The following UBP1 variants were observed in gnomAD, a reference collection of about 807,000 sequenced individuals.
The protein encoded by UBP1 is upstream binding protein 1.
Under a neutral mutation model 76.1 loss-of-function variants are expected in UBP1, and 22 were observed. The observed-to-expected ratio is 0.29, with a 90% CI of 0.21 to 0.41. The LOEUF (loss-of-function observed/expected upper bound fraction) is 0.41, where lower values mean the gene tolerates loss of function less well. UBP1 is among the 10% of genes least tolerant of loss of function. The pLI is 1.00. For missense variants in UBP1, 436 were observed against 668.1 expected, an observed-to-expected ratio of 0.65 and a Z score of 3.83; for synonymous variants, 224 against 237.1, an observed-to-expected ratio of 0.94 and a Z score of 0.51.
At chr3:33,411,558 T>G (rs1015409640) in intron 5 of UBP1, 23 bp downstream of exon 5, 7 of 1,603,436 alleles carry the variant, frequency 4.4e-6, no homozygotes, top group Non-Finnish European at 6.0e-6. Context: ...TTAGTAAGCT[T>G]CTAATAATGT....
chr3:33,440,804 T>C (rs983137237), upstream of UBP1: 1 of 152,246 alleles, frequency 6.6e-6, no homozygotes, highest in African/African-American at 2.4e-5. Flanking sequence ...TTCATTGGAC[T>C]GCATGGTAGA....
At chr3:33,422,886 C>G (rs548713610) in intron 2 of UBP1, among the ~76,000 whole-genome samples, 2 of 152,060 alleles carry the variant, frequency 1.3e-5, no homozygotes, top group Admixed American at 1.3e-4. Context: ...GGGTTTAAAA[C>G]TTTTTGTCAA....
At chr3:33,410,410 T>A (rs1238130015) in intron 5 of UBP1, among the ~76,000 whole-genome samples, 1 of 152,222 alleles carries the variant, frequency 6.6e-6, no homozygotes, top group Non-Finnish European at 1.5e-5. Flanking sequence ...ACATAACTAG[T>A]TGCCTTATAG....
In UBP1 at chr3:33,402,865, T is replaced by C; in HGVS notation, c.967A>G (p.Asn323Asp). ...AAAGTGGGCGCTGGGGAAGGGCTGT[T>C]ATTCACATAGGCTGTGGGGGCATCG... ...WPDAPTAYVN[N>D]SPSPAPTFTS... Residue 323 changes from asparagine to aspartate, a missense_variant, in exon 9 of 16, where the codon AAC becomes GAC. This residue lies in a region of UBP1 where 210 missense variants were observed against 272.8 expected (regional missense o/e 0.77). Coordinates refer to ENST00000283629, the MANE Select transcript of UBP1 (RefSeq NM_014517.5). 6.2e-7 allele frequency: 1 copy of C among 1,610,690 alleles called. No individual in the cohort carries two copies. Among genetic ancestry groups the C allele is most frequent in the African/African-American group, 1.3e-5 (1 of 74,948 alleles).
chr3:33,439,955 A>T lies in UBP1; in HGVS notation c.-107T>A. On this transcript the variant is annotated 5_prime_UTR_variant, in exon 1 of 16. Coordinates refer to ENST00000283629, the MANE Select transcript of UBP1 (RefSeq NM_014517.5). ...GGGAGGGCGCGGGTGAAGCCTCCGG[A>T]GGGGCGGCGAGTGGTCACCAGCGGC... 8.2e-7 allele frequency: 1 copy of T among 1,222,664 alleles called. No homozygotes were observed. The highest frequency in any genetic ancestry group is 1.4e-5 in the South Asian group (1 of 72,816). 75.7% of individuals were successfully genotyped at this position (1,222,664 alleles called of 1,614,324 possible). A position where few individuals can be genotyped will look rare whatever the true frequency, so the allele number is the denominator to read the frequency against.
Position 33,388,969 on chromosome 3 carries a change from G to T in UBP1, c.*1362C>A, listed in dbSNP as rs966733170. On this transcript the variant is annotated 3_prime_UTR_variant, in exon 16 of 16. Transcript: ENST00000283629. ...TTCAAATCAGGACACCTGGGTATAT[G>T]GACAAAGATATCCTACAATTAAAAT... 2 of 151,958 alleles carry T rather than the reference G, an allele frequency of 1.3e-5. No homozygotes were observed. The highest frequency in any genetic ancestry group is 6.6e-5 in the Admixed American group (1 of 15,236). The allele number at this position is 151,958 out of a possible 1,614,324, so 9.4% of individuals were successfully genotyped here.
chr3:33,405,809 G>A (rs1441197566), intron 8 of UBP1, among the ~76,000 whole-genome samples: 2 of 152,068 alleles, frequency 1.3e-5, no homozygotes, highest in South Asian at 2.1e-4. Context: ...AAGACCACTG[G>A]TGTAATGGAG....
At chr3:33,438,512 G>A (rs2045236556) in intron 1 of UBP1, among the ~76,000 whole-genome samples, 1 of 152,166 alleles carries the variant, frequency 6.6e-6, no homozygotes, top group South Asian at 2.1e-4. Context: ...TGAAACAGCT[G>A]TTTTAGAAAA....
rs2043641441 is a variant in UBP1 at position 33,388,943 on chromosome 3, A to G, written c.*1388T>C. On this transcript the variant is annotated 3_prime_UTR_variant, in exon 16 of 16. Coordinates refer to ENST00000283629, the MANE Select transcript of UBP1 (RefSeq NM_014517.5). ...GAACACAATGAGGATCAAATAGTAC[A>G]TTCAAATCAGGACACCTGGGTATAT... is the stretch of plus-strand genomic sequence containing the variant. 2 of 152,326 alleles carry G rather than the reference A, an allele frequency of 1.3e-5. No individual in the cohort carries two copies. The highest frequency in any genetic ancestry group is 2.4e-5 in the African/African-American group (1 of 41,568). 9.4% of individuals were successfully genotyped at this position (152,326 alleles called of 1,614,324 possible).
chr3:33,394,714 C>T (rs2043900319), intron 13 of UBP1, among the ~76,000 whole-genome samples: 1 of 151,236 alleles, frequency 6.6e-6, no homozygotes, highest in Admixed American at 6.6e-5. Flanking sequence ...TTTTCCATTA[C>T]ATAAAAGAAG....
intron 3 of UBP1, among the ~76,000 whole-genome samples, chr3:33,415,408 A>G (rs772373302): frequency 8.5e-5 from 13 of 152,244 alleles, no homozygotes; most frequent in African/African-American, 3.1e-4. Context: ...AGTAAATTCT[A>G]TAATCCGGCA....
At chr3:33,411,957 C>T (rs1269254560) in intron 4 of UBP1, among the ~76,000 whole-genome samples, 1 of 151,934 alleles carries the variant, frequency 6.6e-6, no homozygotes, top group Admixed American at 6.6e-5. Context: ...GAGGCCAAGG[C>T]AGGTGGATAA....
intron 8 of UBP1, among the ~76,000 whole-genome samples, chr3:33,405,251 G>A (rs72852076): frequency 0.065 from 9,896 of 152,142 alleles, 1,076 homozygotes; most frequent in African/African-American, 0.22. Context: ...TTTAAGGGGA[G>A]TGAAATACAA....
intron 1 of UBP1, among the ~76,000 whole-genome samples, chr3:33,425,999 ATATAT>A (rs2045006740): frequency 2.9e-5 from 1 of 34,178 alleles, no homozygotes; most frequent in Non-Finnish European, 6.1e-5. Flanking sequence ...AGCTCTGAAT[ATATAT>A]ATATATATAT....
intron 8 of UBP1, among the ~76,000 whole-genome samples, chr3:33,405,677 T>C (rs2044399532): frequency 6.6e-6 from 1 of 152,138 alleles, no homozygotes; most frequent in South Asian, 2.1e-4. Context: ...CTTGGATCAC[T>C]TGAGCCAAGG....
intron 3 of UBP1, among the ~76,000 whole-genome samples, chr3:33,415,295 T>C (rs189506074): frequency 1.3e-5 from 2 of 152,378 alleles, no homozygotes; most frequent in East Asian, 1.9e-4. Flanking sequence ...AATGCCTTGA[T>C]GGACACTGAA....
At chr3:33,435,628 G>A (rs539516088) in intron 1 of UBP1, among the ~76,000 whole-genome samples, 11 of 152,286 alleles carry the variant, frequency 7.2e-5, no homozygotes, top group East Asian at 1.9e-4. Flanking sequence ...GACAGAGCAA[G>A]ACCTAGTCTC....
chr3:33,440,793 G>T (rs1299447096), upstream of UBP1: 1 of 152,274 alleles, frequency 6.6e-6, no homozygotes, highest in African/African-American at 2.4e-5. Flanking sequence ...AAAAGAAAGA[G>T]TTCATTGGAC....
chr3:33,399,332 TAG>T (rs2044132310), intron 11 of UBP1, among the ~76,000 whole-genome samples: 1 of 152,234 alleles, frequency 6.6e-6, no homozygotes, highest in Non-Finnish European at 1.5e-5. Flanking sequence ...AGGTTTCCTA[TAG>T]CACTACCTGG....
Sources: gnomAD v4.1 joint callset for allele counts (sites outside exome capture counted in the v4.1 genomes callset) on GRCh38, gnomAD v4.1.1 for gene constraint, gnomAD v4.1.1 regional missense constraint, MANE v1.5 for transcripts, NCBI Gene and HGNC (gene_info 2026-07-23, HGNC 2026-07-21) for gene names.